Variants in DAAM2 observed in about 807,000 individuals in gnomAD.
DAAM2 encodes disheveled-associated activator of morphogenesis 2.
In DAAM2, 39 loss-of-function variants were observed where a neutral mutation model predicts 120.7. The ratio of observed to expected loss-of-function variants is 0.32; its 90% CI spans 0.25 to 0.42. The LOEUF (loss-of-function observed/expected upper bound fraction) is 0.42. Ranked by LOEUF, DAAM2 falls within the 10% of genes least tolerant of loss-of-function variation. DAAM2 has a pLI of 1.00. For synonymous variants in DAAM2, 488 were observed against 524.9 expected (o/e 0.93, Z 0.96); for missense variants, 1,283 against 1,401.7 (o/e 0.92, Z 1.35).
At chr6:39,888,964 C>A in intron 17 of DAAM2, 1 of 360,784 alleles carries the variant, frequency 2.8e-6, no homozygotes. Context: ...AGGAGTCATT[C>A]TCCCATCTGA....
At chr6:39,798,694 C>T (rs568135873) in intron 1 of DAAM2, among the ~76,000 whole-genome samples, 1 of 152,184 alleles carries the variant, frequency 6.6e-6, no homozygotes, top group African/African-American at 2.4e-5. Context: ...GAACAGTGCA[C>T]CTGTATACAT....
chr6:39,893,470 A>G (rs905155939), intron 19 of DAAM2, among the ~76,000 whole-genome samples: 2 of 152,160 alleles, frequency 1.3e-5, no homozygotes, highest in African/African-American at 4.8e-5. Flanking sequence ...GTGAGCCGAC[A>G]TGGAACCACT....
intron 19 of DAAM2, among the ~76,000 whole-genome samples, chr6:39,892,781 T>C (rs987804691): frequency 6.6e-5 from 10 of 152,126 alleles, no homozygotes; most frequent in African/African-American, 1.2e-4. Flanking sequence ...CTGAAATCCA[T>C]TGAGATGCTT....
intron 1 of DAAM2, among the ~76,000 whole-genome samples, chr6:39,793,863 G>A (rs1000719014): frequency 3.9e-5 from 6 of 152,282 alleles, no homozygotes; most frequent in Admixed American, 3.9e-4. Flanking sequence ...GAGCTAGCCA[G>A]GTCTCTGGTT....
intron 17 of DAAM2, 121 bp downstream of exon 17, chr6:39,888,884 G>A: frequency 1.5e-6 from 1 of 655,462 alleles, no homozygotes; most frequent in Non-Finnish European, 2.5e-6. Flanking sequence ...AAGAGTTAGG[G>A]AGAAGGTTTA....
At chr6:39,887,425 C>T (rs201020618) in intron 15 of DAAM2, 61 bp from the exon 16 acceptor site, 35 of 1,208,630 alleles carry the variant, frequency 2.9e-5, no homozygotes, top group East Asian at 1.2e-4. Flanking sequence ...TCTTGCGGGG[C>T]GGGTAAGAGG....
intron 1 of DAAM2, among the ~76,000 whole-genome samples, chr6:39,838,451 G>A (rs1363675722): frequency 6.6e-6 from 1 of 152,168 alleles, no homozygotes; most frequent in Non-Finnish European, 1.5e-5. Flanking sequence ...CAAAACGCAG[G>A]TGAGCTCTGA....
At chr6:39,855,348 G>C (rs933610726) in intron 1 of DAAM2, among the ~76,000 whole-genome samples, 5 of 152,128 alleles carry the variant, frequency 3.3e-5, no homozygotes, top group African/African-American at 1.2e-4. Flanking sequence ...GGCTTTCCTA[G>C]TGGCGAGCCA....
intron 1 of DAAM2, among the ~76,000 whole-genome samples, chr6:39,799,630 G>C (rs980659949): frequency 6.6e-6 from 1 of 152,124 alleles, no homozygotes; most frequent in Non-Finnish European, 1.5e-5. Context: ...TCCTAAGAGG[G>C]GCAGGAGGAG....
chr6:39,847,247 A>G (rs764669272), intron 1 of DAAM2, among the ~76,000 whole-genome samples: 3 of 152,172 alleles, frequency 2.0e-5, no homozygotes, highest in Non-Finnish European at 2.9e-5. Context: ...AGGATCAGGA[A>G]TAGTAGCCAG....
At chr6:39,827,139 T>A (rs571442869) in intron 1 of DAAM2, among the ~76,000 whole-genome samples, 16 of 152,340 alleles carry the variant, frequency 1.1e-4, no homozygotes, top group South Asian at 2.1e-4. Flanking sequence ...AGAATTTGTC[T>A]GCGACTGTTC....
intron 16 of DAAM2, 115 bp downstream of exon 16, chr6:39,887,707 C>T (rs1269403843): frequency 2.9e-6 from 2 of 687,590 alleles, no homozygotes; most frequent in Non-Finnish European, 4.9e-6. Context: ...GAGGGGCAGG[C>T]ATTGATCTGG....
rs539247855 is a variant in DAAM2 at position 39,876,786 on chromosome 6, T to C, written c.1301+1318T>C. Among the ~76,000 whole-genome samples the C allele has an allele frequency of 1.4e-4, 21 of 152,232 alleles. No individual in the cohort carries two copies. The South Asian group carries it at 2.5e-3, about 18-fold the overall frequency. On this transcript the variant is annotated intron_variant, in intron 11 of 24. Transcript: ENST00000274867. ...GTCTGTGTGTGATATTTGCCTTCTT[T>C]TCTCTGTTCTATTTACCCTGTAACC...
At chr6:39,889,501 A>C (rs1765570748) in intron 17 of DAAM2, among the ~76,000 whole-genome samples, 1 of 152,234 alleles carries the variant, frequency 6.6e-6, no homozygotes, top group South Asian at 2.1e-4. Flanking sequence ...AGTACACTCT[A>C]CAGCTAAACA....
intron 9 of DAAM2, 117 bp downstream of exon 9, chr6:39,871,689 G>T: frequency 1.2e-6 from 1 of 859,006 alleles, no homozygotes. Context: ...GTTCCCTGGT[G>T]GGCACCCCCA....
At chr6:39,873,497 A>AT (rs1764747382) in intron 10 of DAAM2, 142 bp downstream of exon 10, 4 of 639,106 alleles carry the variant, frequency 6.3e-6, no homozygotes, top group Non-Finnish European at 8.5e-6. Flanking sequence ...GGCAGGCCCC[A>AT]TGACGGAGGC....
chr6:39,896,702 C>A, intron 19 of DAAM2, 110 bp from the exon 20 acceptor site: 1 of 912,242 alleles, frequency 1.1e-6, no homozygotes, highest in Non-Finnish European at 1.6e-6. Context: ...GAGTTGAAGG[C>A]ATTTGACAGC....
chr6:39,899,751 GGAGTCTTGTAAAGAT>G (rs946407294), intron 22 of DAAM2: 1 of 217,782 alleles, frequency 4.6e-6, no homozygotes, highest in Non-Finnish European at 9.2e-6. Flanking sequence ...TGAGTCACCT[GGAGTCTTGTAAAGAT>G]GAGTCTTGTT....
At chr6:39,885,112 G>GGC (rs1223660265) in intron 15 of DAAM2, 2 of 152,638 alleles carry the variant, frequency 1.3e-5, no homozygotes, top group East Asian at 3.9e-4. Flanking sequence ...GTTGTGGCCT[G>GGC]GCTCCCCACT....
Sources: allele counts gnomAD v4.1 joint callset (sites outside exome capture counted in the v4.1 genomes callset), GRCh38; gene constraint gnomAD v4.1.1; transcripts MANE v1.5; gene names NCBI Gene and HGNC (gene_info 2026-07-23, HGNC 2026-07-21).